KCNAB2: variants seen among roughly 807,000 people sequenced by gnomAD.
The protein encoded by KCNAB2 is potassium voltage-gated channel subfamily A regulatory beta subunit 2.
A neutral mutation model predicts 63.6 loss-of-function variants in KCNAB2; 29 were observed. The ratio of observed to expected loss-of-function variants is 0.46; its 90% CI spans 0.34 to 0.62. The LOEUF (loss-of-function observed/expected upper bound fraction) is 0.62. Ranked by LOEUF, KCNAB2 falls within the 20% of genes least tolerant of loss-of-function variation. The pLI, the probability that KCNAB2 is intolerant of heterozygous loss-of-function variation, is 0.01. For synonymous variants in KCNAB2, 222 were observed against 224.2 expected (o/e 0.99, Z 0.09); for missense variants, 359 against 563.9 (o/e 0.64, Z 3.68).
rs1329531512 is a variant in KCNAB2, at chr1:6,096,504, G to C, written c.949-132G>C. ...AGGCCTGGGGCAGGGGCACTGCCCT[G>C]GCTTCAAGATGAGAAGAGCCCCTAT... On this transcript the variant is annotated intron_variant, in intron 13 of 15. Transcript: ENST00000378083. This position sits in a 1 kb window ranked among gnomAD's most constrained non-coding sequence, Gnocchi z 5.9. The C allele has an allele frequency of 3.2e-6, 4 of 1,264,200 alleles. No homozygotes were observed. The highest frequency in any genetic ancestry group is 4.3e-6 in the Non-Finnish European group (4 of 930,378). The allele number at this position is 1,264,200 out of a possible 1,614,324, so 78.3% of individuals were successfully genotyped here. A position where few individuals can be genotyped will look rare whatever the true frequency, so the allele number is the denominator to read the frequency against.
At chr1:6,076,723 A>C (rs1238841637) in intron 4 of KCNAB2, among the ~76,000 whole-genome samples, 3 of 152,176 alleles carry the variant, frequency 2.0e-5, no homozygotes, top group African/African-American at 7.2e-5. Context: ...GTAGGGACAG[A>C]TTCCTTGTCC....
intron 1 of KCNAB2, among the ~76,000 whole-genome samples, chr1:6,015,016 CTTTTTT>C (rs34742623): frequency 2.4e-5 from 2 of 82,786 alleles, no homozygotes; most frequent in African/African-American, 4.4e-5. Context: ...GGTCACCTTC[CTTTTTT>C]TTTTTTTTTT....
intron 8 of KCNAB2, among the ~76,000 whole-genome samples, chr1:6,089,675 C>T (rs553877659): frequency 6.6e-6 from 1 of 152,332 alleles, no homozygotes; most frequent in East Asian, 1.9e-4. Flanking sequence ...CAGCGGGTGG[C>T]TTGGGCGTTT....
chr1:6,092,461 G>C (rs1245840249), intron 10 of KCNAB2, among the ~76,000 whole-genome samples: 1 of 152,270 alleles, frequency 6.6e-6, no homozygotes, highest in Non-Finnish European at 1.5e-5. Context: ...CTGCCGGGGA[G>C]GGAGAGTGAG....
At chr1:6,062,615 C>T (rs144157682) in intron 2 of KCNAB2, among the ~76,000 whole-genome samples, 96 of 152,226 alleles carry the variant, frequency 6.3e-4, no homozygotes, top group African/African-American at 1.7e-3. Context: ...CAGTGGCGCT[C>T]GGAGAAGGGA....
At chr1:6,072,713 C>T (rs1236575183) in intron 2 of KCNAB2, 42 bp from the exon 3 acceptor site, 2 of 1,609,726 alleles carry the variant, frequency 1.2e-6, no homozygotes, top group Admixed American at 1.7e-5. Flanking sequence ...CTGGCAGGGT[C>T]CTGCCTGGGT....
At position 6,100,577 on chromosome 1, in the gene KCNAB2, G is replaced by A. The variant is rs913617744; in HGVS notation, c.*2003G>A. Reference sequence around the variant, plus strand: ...CTGTTGGAAGAGGGACCAGCGCGAGGTGGTGCCCAGGGTGGGCACTGCTGC... The same window carrying A: ...CTGTTGGAAGAGGGACCAGCGCGAGATGGTGCCCAGGGTGGGCACTGCTGC... On this transcript the variant is annotated 3_prime_UTR_variant, in exon 16 of 16. Coordinates refer to ENST00000378083, the MANE Select transcript of KCNAB2 (RefSeq NM_001199862.2). 1 of 152,586 alleles carries A rather than the reference G, an allele frequency of 6.6e-6. No individual in the cohort carries two copies. Among genetic ancestry groups the A allele is most frequent in the Admixed American group, 6.5e-5 (1 of 15,322 alleles). 9.5% of individuals were successfully genotyped at this position (152,586 alleles called of 1,614,324 possible). A position where few individuals can be genotyped will look rare whatever the true frequency, so the allele number is the denominator to read the frequency against.
At position 6,078,089 on chromosome 1, in the gene KCNAB2, C is replaced by T. The variant is rs532677690; in HGVS notation, c.301-4106C>T. ...GCCTAAGTCCAGGAGTCAGCCGGGC[C>T]GGGCTCCCTTCTCCAGGCCAGGACC... On this transcript the variant is annotated intron_variant, in intron 4 of 15. Coordinates refer to ENST00000378083, the MANE Select transcript of KCNAB2 (RefSeq NM_001199862.2). This position sits in a 1 kb window ranked among gnomAD's most constrained non-coding sequence, Gnocchi z 4.2. Among the ~76,000 whole-genome samples the T allele has an allele frequency of 1.3e-4, 20 of 151,090 alleles. No homozygotes were observed. The highest frequency in any genetic ancestry group is 4.6e-4 in the Admixed American group (7 of 15,260).
intron 1 of KCNAB2, among the ~76,000 whole-genome samples, chr1:6,037,215 T>A (rs1203198855): frequency 6.6e-6 from 1 of 152,210 alleles, no homozygotes; most frequent in Non-Finnish European, 1.5e-5. Context: ...GTCCCTGCAC[T>A]GTTTTCCAAC....
At chr1:6,090,254 A>C in intron 8 of KCNAB2, 135 bp from the exon 9 acceptor site, 1 of 588,430 alleles carries the variant, frequency 1.7e-6, no homozygotes, top group East Asian at 3.0e-5. Flanking sequence ...CACGACCTCC[A>C]TCAGCTTCTG....
rs1224897914 is a variant in KCNAB2, at chr1:6,051,770, G to A, written c.218+16G>A. ...TGAAGTATCGGTAAGGGCCGGGCAGGGGGGCGGTGGGGTGGGAAGTCTGAT... is the reference window on the plus strand; with the variant it reads ...TGAAGTATCGGTAAGGGCCGGGCAGAGGGGCGGTGGGGTGGGAAGTCTGAT... On this transcript the variant is annotated intron_variant, in intron 2 of 15. Coordinates refer to ENST00000378083, the MANE Select transcript of KCNAB2 (RefSeq NM_001199862.2). The A allele has an allele frequency of 3.9e-6, 6 of 1,519,458 alleles. No individual in the cohort carries two copies. The South Asian group carries it at 4.8e-5, about 12-fold the overall frequency. 94.1% of individuals were successfully genotyped at this position (1,519,458 alleles called of 1,614,324 possible).
intron 1 of KCNAB2, among the ~76,000 whole-genome samples, chr1:5,998,181 A>C (rs753390289): frequency 1.3e-5 from 2 of 152,264 alleles, no homozygotes; most frequent in Non-Finnish European, 2.9e-5. Flanking sequence ...CAGTGCGGTC[A>C]CAGGCTAGGG....
rs59228314 is a variant in KCNAB2, at chr1:6,014,442, C to T, written c.-53+21654C>T. 7.7e-3 allele frequency among the ~76,000 whole-genome samples: 1,170 copies of T among 152,346 alleles called. 9 individuals are homozygous for T. Among genetic ancestry groups the T allele is most frequent in the Middle Eastern group, 0.02 (6 of 294 alleles). ...ACACAAGTGAGGTTTAAAAATACTA[C>T]GCTTATTTCATTTCAGTGCAGGAGG... On this transcript the variant is annotated intron_variant, in intron 1 of 16. Coordinates refer to the KCNAB2 transcript ENST00000341524.
chr1:6,066,746 G>A (rs1662788367), intron 2 of KCNAB2, among the ~76,000 whole-genome samples: 1 of 152,214 alleles, frequency 6.6e-6, no homozygotes, highest in South Asian at 2.1e-4. Flanking sequence ...AGGGACTGTG[G>A]GGTGAACCCT....
Position 6,086,109 on chromosome 1 carries a change from T to C in KCNAB2, c.425+861T>C. ...TGGACACAGCTTTATCTCAAGGTGCTGACAAGCCCCGGGGCCCTGTTCCTT... is the reference window on the plus strand; with the variant it reads ...TGGACACAGCTTTATCTCAAGGTGCCGACAAGCCCCGGGGCCCTGTTCCTT... On this transcript the variant is annotated intron_variant, in intron 6 of 15. Coordinates refer to ENST00000378083, the MANE Select transcript of KCNAB2 (RefSeq NM_001199862.2). This position sits in a 1 kb window ranked among gnomAD's most constrained non-coding sequence, Gnocchi z 4.2. 1.0e-6 allele frequency: 1 copy of C among 985,388 alleles called. No homozygotes were observed. The highest frequency in any genetic ancestry group is 1.2e-6 in the Non-Finnish European group (1 of 829,916). The allele number at this position is 985,388 out of a possible 1,614,324, so 61.0% of individuals were successfully genotyped here.
At chr1:6,065,357 T>C (rs967340615) in intron 2 of KCNAB2, among the ~76,000 whole-genome samples, 12 of 152,206 alleles carry the variant, frequency 7.9e-5, no homozygotes, top group African/African-American at 2.7e-4. Context: ...TCCTGCTTCA[T>C]TAATAATGAA....
rs765843838 is a variant in KCNAB2, at chr1:6,082,256, A to C, written c.362A>C (p.Glu121Ala). ...GGCATCAACCTCTTCGATACAGCAG[A>C]AGTCTACGCAGCCGGCAAGTACGTG... ...DNGINLFDTAEVYAAGKAEVV... is the reference protein window; with the variant it reads ...DNGINLFDTAAVYAAGKAEVV... The change falls in exon 5 of 16, where the codon GAA (glutamate) becomes GCA (alanine). Residue 121 changes from glutamate (E) to alanine (A), a missense_variant. By Grantham distance (107) the Glu-to-Ala change is moderately radical. This residue lies in a region of KCNAB2 where 271 missense variants were observed against 476.1 expected (regional missense o/e 0.57). Transcript: ENST00000378083. 2 of 1,613,440 alleles carry C rather than the reference A, an allele frequency of 1.2e-6. No homozygotes were observed. The highest frequency in any genetic ancestry group is 2.2e-5 in the South Asian group (2 of 91,086).
chr1:6,054,717 A>G (rs1661664549), intron 2 of KCNAB2, among the ~76,000 whole-genome samples: 1 of 152,198 alleles, frequency 6.6e-6, no homozygotes, highest in Non-Finnish European at 1.5e-5. Context: ...TAAATGAAGT[A>G]GTGGCCTGTG....
At chr1:6,009,275 A>C (rs1174688444) in intron 1 of KCNAB2, among the ~76,000 whole-genome samples, 1 of 152,338 alleles carries the variant, frequency 6.6e-6, no homozygotes, top group Middle Eastern at 3.4e-3. Context: ...TGGTATGCCC[A>C]TGGGGGCATC....
Sources: gnomAD v4.1 joint callset for allele counts (sites outside exome capture counted in the v4.1 genomes callset) on GRCh38, gnomAD v4.1.1 for gene constraint, gnomAD v4.1.1 regional missense constraint, Gnocchi (gnomAD v3.1) non-coding constraint, MANE v1.5 for transcripts, NCBI Gene and HGNC (gene_info 2026-07-23, HGNC 2026-07-21) for gene names.